Variants in NAT8L observed in about 807,000 individuals in gnomAD.
NAT8L encodes the protein aspartate N-acetyltransferase, also known as N-acetylaspartate synthetase.
Under a neutral mutation model 21.2 loss-of-function variants are expected in NAT8L, and 6 were observed. The ratio of observed to expected loss-of-function variants is 0.28; its 90% confidence interval spans 0.16 to 0.56. NAT8L has a LOEUF of 0.56. Ranked by LOEUF, NAT8L falls within the 20% of genes least tolerant of loss-of-function variation. The pLI, the probability that NAT8L is intolerant of heterozygous loss-of-function variation, is 0.93. For missense variants in NAT8L, 331 were observed against 433.3 expected, an observed-to-expected ratio of 0.76 and a Z score of 2.10; for synonymous variants, 239 against 204.9, an observed-to-expected ratio of 1.17 and a Z score of -1.42.
In NAT8L at chr4:2,059,822, C is replaced by T; in HGVS notation, c.311C>T (p.Pro104Leu). The T allele has an allele frequency of 7.2e-7, 1 of 1,394,382 alleles. No homozygotes were observed. Among genetic ancestry groups the T allele is most frequent in the Non-Finnish European group, 9.4e-7 (1 of 1,064,906 alleles). The allele number at this position is 1,394,382 out of a possible 1,614,324, so 86.4% of individuals were successfully genotyped here. A position where few individuals can be genotyped will look rare whatever the true frequency, so the allele number is the denominator to read the frequency against. The stretch of plus-strand genomic sequence containing the variant: ...TACGACGGCATCATGGAGCGCATCC[C>T]TAACACGGCCTTCCGCGGCCTGCGG... Reference protein sequence around the residue: ...IFYDGIMERIPNTAFRGLRQH... With the variant: ...IFYDGIMERILNTAFRGLRQH... Residue 104 changes from proline (P) to leucine (L), a missense_variant, in exon 1 of 3, where the codon CCT becomes CTT. By Grantham distance (98) the Pro-to-Leu change is moderately conservative (BLOSUM62 -3). Transcript: ENST00000423729. This position sits in a 1 kb window ranked among gnomAD's most constrained non-coding sequence, Gnocchi z 4.8.
rs1208133986 is a variant in NAT8L at position 2,060,319 on chromosome 4, G to C, written c.376+432G>C. 6.6e-6 allele frequency among the ~76,000 whole-genome samples: 1 copy of C among 152,212 alleles called. No homozygotes were observed. ...GGCGCCGCGGGGGGTGCGCGCGCCTGGCACAGCCGGGGCGGTCGCAGAGGG... is the reference window on the plus strand; with the variant it reads ...GGCGCCGCGGGGGGTGCGCGCGCCTCGCACAGCCGGGGCGGTCGCAGAGGG... On this transcript the variant is annotated intron_variant, in intron 1 of 2. Transcript: ENST00000423729. The surrounding 1 kb of genome is among the most constrained non-coding windows in gnomAD (Gnocchi z 4.7).
chr4:2,061,212 G>A (rs960490507), intron 2 of NAT8L, 50 bp downstream of exon 2: 1 of 1,605,756 alleles, frequency 6.2e-7, no homozygotes, highest in African/African-American at 1.3e-5. Context: ...ACAGCCCTCG[G>A]GGGCACGCAC....
In NAT8L at chr4:2,060,498, T is replaced by C. The variant is rs1379426787; in HGVS notation, c.377-500T>C. On this transcript the variant is annotated intron_variant, in intron 1 of 2. Transcript: ENST00000423729. The surrounding 1 kb of genome is among the most constrained non-coding windows in gnomAD (Gnocchi z 4.7). ...GCAGCCGAAATGCGGCTGGAAGCGG[T>C]GTGGGGCCTCCCTGCCCTGTCCCTG... Among the ~76,000 whole-genome samples the C allele has an allele frequency of 6.6e-6, 1 of 152,020 alleles. No individual in the cohort carries two copies. Among genetic ancestry groups the C allele is most frequent in the Non-Finnish European group, 1.5e-5 (1 of 67,988 alleles).
rs1187190572 is a variant in NAT8L, at chr4:2,060,653, G to A, written c.377-345G>A. Among the ~76,000 whole-genome samples, 3 of 149,870 alleles carry A rather than the reference G, an allele frequency of 2.0e-5. No individual in the cohort carries two copies. Among genetic ancestry groups the A allele is most frequent in the Admixed American group, 2.0e-4 (3 of 15,194 alleles). On this transcript the variant is annotated intron_variant, in intron 1 of 2. Coordinates refer to ENST00000423729, the MANE Select transcript of NAT8L (RefSeq NM_178557.4). This position sits in a 1 kb window ranked among gnomAD's most constrained non-coding sequence, Gnocchi z 4.7. ...TCCCCCCTCCCCCCTCCCCCGCGCG[G>A]GGCCTGGTCTGCGGGGCAGCTCCCT...
chr4:2,061,374 C>T (rs1002254421), intron 2 of NAT8L, among the ~76,000 whole-genome samples: 1 of 152,246 alleles, frequency 6.6e-6, no homozygotes, highest in Non-Finnish European at 1.5e-5. Context: ...GTGACCTGAG[C>T]TGGCCCTGCG....
rs1729981854 is a variant in NAT8L, at chr4:2,065,577, T to A, written c.*1450T>A. 6.6e-6 allele frequency: 1 copy of A among 151,680 alleles called. No homozygotes were observed. The highest frequency in any genetic ancestry group is 2.1e-4 in the South Asian group (1 of 4,768). The allele number at this position is 151,680 out of a possible 1,614,324, so 9.4% of individuals were successfully genotyped here. A position where few individuals can be genotyped will look rare whatever the true frequency, so the allele number is the denominator to read the frequency against. On this transcript the variant is annotated 3_prime_UTR_variant, in exon 3 of 3. Coordinates refer to ENST00000423729, the MANE Select transcript of NAT8L (RefSeq NM_178557.4). ...TTTGTGTGGGGGAATTGGGGAGGGG[T>A]CGTGGCAGGCAGGGTGGGCCACGGA...
chr4:2,065,284 G>C lies in NAT8L; in HGVS notation c.*1157G>C, dbSNP rs1179498659. ...CCCTGGCCTGCAGTGTGGGCAGGGT[G>C]GGGGGCAAGGGAGTCCGCAGCCTCC... On this transcript the variant is annotated 3_prime_UTR_variant, in exon 3 of 3. Coordinates refer to ENST00000423729, the MANE Select transcript of NAT8L (RefSeq NM_178557.4). 6.6e-6 allele frequency: 1 copy of C among 152,248 alleles called. No individual in the cohort carries two copies. The highest frequency in any genetic ancestry group is 1.9e-4 in the East Asian group (1 of 5,164). 9.4% of individuals were successfully genotyped at this position (152,248 alleles called of 1,614,324 possible).
rs1729931162 is a variant in NAT8L, at chr4:2,063,496, T to G, written c.542-264T>G. Among the ~76,000 whole-genome samples the G allele has an allele frequency of 2.0e-5, 3 of 152,238 alleles. No homozygotes were observed. The South Asian group carries it at 6.2e-4, about 31-fold the overall frequency. On this transcript the variant is annotated intron_variant, in intron 2 of 2. Transcript: ENST00000423729. ...GGGTCCTGGCTGTTGGCCTGTTGGG[T>G]AACAGGTGTTGGGCTGGCTTTCTCT...
intron 2 of NAT8L, among the ~76,000 whole-genome samples, chr4:2,061,445 G>T (rs1729888470): frequency 6.6e-6 from 1 of 152,236 alleles, no homozygotes; most frequent in Non-Finnish European, 1.5e-5. Context: ...CTGCGGTGGG[G>T]CAAGGGCCGC....
rs899916470 is a variant in NAT8L at position 2,065,482 on chromosome 4, G to C, written c.*1355G>C. The C allele has an allele frequency of 1.3e-5, 2 of 152,624 alleles. No individual in the cohort carries two copies. The highest frequency in any genetic ancestry group is 2.9e-5 in the Non-Finnish European group (2 of 68,344). 9.5% of individuals were successfully genotyped at this position (152,624 alleles called of 1,614,324 possible). A position where few individuals can be genotyped will look rare whatever the true frequency, so the allele number is the denominator to read the frequency against. On this transcript the variant is annotated 3_prime_UTR_variant, in exon 3 of 3. Transcript: ENST00000423729. ...GAGACAGAGGTGGAGGGTGGCACAG[G>C]CTGCACATTCAGCTTAGAAGTGGAC...
Position 2,068,174 on chromosome 4 carries a change from T to A in NAT8L, c.*4047T>A, listed in dbSNP as rs576911357. 6.6e-6 allele frequency: 1 copy of A among 152,320 alleles called. No homozygotes were observed. The highest frequency in any genetic ancestry group is 2.1e-4 in the South Asian group (1 of 4,834). The allele number at this position is 152,320 out of a possible 1,614,324, so 9.4% of individuals were successfully genotyped here. A position where few individuals can be genotyped will look rare whatever the true frequency, so the allele number is the denominator to read the frequency against. ...TTCTTGGATATGTGTAGTGTGAGCA[T>A]GTGTGCATGTGTGAGCCTGTGCACG... On this transcript the variant is annotated 3_prime_UTR_variant, in exon 3 of 3. Coordinates refer to ENST00000423729, the MANE Select transcript of NAT8L (RefSeq NM_178557.4).
chr4:2,068,462 T>C lies in NAT8L; in HGVS notation c.*4335T>C, dbSNP rs1002525200. The C allele has an allele frequency of 6.6e-6, 1 of 152,238 alleles. No homozygotes were observed. The highest frequency in any genetic ancestry group is 1.5e-5 in the Non-Finnish European group (1 of 68,050). The allele number at this position is 152,238 out of a possible 1,614,324, so 9.4% of individuals were successfully genotyped here. The stretch of plus-strand genomic sequence containing the variant: ...GTGTACTTCTCTGAGGGGGCACATA[T>C]GTATGAGTGTATGAGTGCATACATA... On this transcript the variant is annotated 3_prime_UTR_variant, in exon 3 of 3. Coordinates refer to ENST00000423729, the MANE Select transcript of NAT8L (RefSeq NM_178557.4).
rs1000192836 is a variant in NAT8L, at chr4:2,060,158, C to T, written c.376+271C>T. Among the ~76,000 whole-genome samples, 142 of 152,180 alleles carry T rather than the reference C, an allele frequency of 9.3e-4. 3 individuals are homozygous for T. Among genetic ancestry groups the T allele is most frequent in the Middle Eastern group, 3.4e-3 (1 of 292 alleles). On this transcript the variant is annotated intron_variant, in intron 1 of 2. Transcript: ENST00000423729. The surrounding 1 kb of genome is among the most constrained non-coding windows in gnomAD (Gnocchi z 4.7). ...CCCCACCGCCTCCCCTGTCCCCTCC[C>T]GGGCATCCTGGGTGGGGGCGGGTGC...
chr4:2,063,744 G>A lies in NAT8L; in HGVS notation c.542-16G>A, dbSNP rs576456433. ...CCTTCCTCACCGGGTGTCCCTGACC[G>A]CCCTATCCCCTGCAGGCTCCTGCTT... On this transcript the variant is annotated splice_polypyrimidine_tract_variant and intron_variant, in intron 2 of 2. Transcript: ENST00000423729. The A allele has an allele frequency of 7.3e-5, 117 of 1,609,570 alleles. 1 individual carries two copies. Among genetic ancestry groups the A allele is most frequent in the South Asian group, 3.4e-4 (31 of 91,062 alleles).
At position 2,062,603 on chromosome 4, in the gene NAT8L, C is replaced by T. The variant is rs552704837; in HGVS notation, c.542-1157C>T. On this transcript the variant is annotated intron_variant, in intron 2 of 2. Transcript: ENST00000423729. ...CTGCTCGTGTCTGTGGCGATGGCAGCGGTGCCCAGTGGCTCCCCCCCACGC... is the reference window on the plus strand; with the variant it reads ...CTGCTCGTGTCTGTGGCGATGGCAGTGGTGCCCAGTGGCTCCCCCCCACGC... Among the ~76,000 whole-genome samples, 4 of 152,166 alleles carry T rather than the reference C, an allele frequency of 2.6e-5. No homozygotes were observed. The South Asian group carries it at 8.3e-4, about 32-fold the overall frequency.
chr4:2,063,689 C>A, intron 2 of NAT8L, 71 bp from the exon 3 acceptor site: 1 of 1,598,918 alleles, frequency 6.3e-7, no homozygotes, highest in Non-Finnish European at 8.5e-7. Context: ...AGGGCCCTGT[C>A]TCACCCCAGA....
In NAT8L at chr4:2,063,964, C is replaced by T. The variant is rs1729941233; in HGVS notation, c.746C>T (p.Thr249Met). ...TACTCCGCGGTGGTGCTGGGCACGA[C>T]GGCCGTCAAGGTGGCCGCCCACAAG... The part of the protein sequence containing the change: ...HNYSAVVLGT[T>M]AVKVAAHKLY... The change falls in exon 3 of 3, where the codon ACG becomes ATG. Residue 249 changes from threonine (T) to methionine (M), a missense_variant. By Grantham distance (81) the Thr-to-Met change is moderately conservative. Around this residue, in one of 2 missense-constraint regions of NAT8L, gnomAD observed 132 missense variants for 237.1 expected, o/e 0.56. Transcript: ENST00000423729. 1.2e-6 allele frequency: 2 copies of T among 1,611,566 alleles called. No homozygotes were observed. Among genetic ancestry groups the T allele is most frequent in the Non-Finnish European group, 1.7e-6 (2 of 1,179,456 alleles).
chr4:2,064,176 C>A lies in NAT8L; in HGVS notation c.*49C>A. The A allele has an allele frequency of 1.7e-6, 2 of 1,204,560 alleles. No individual in the cohort carries two copies. The highest frequency in any genetic ancestry group is 2.5e-5 in the South Asian group (1 of 39,510). The allele number at this position is 1,204,560 out of a possible 1,614,324, so 74.6% of individuals were successfully genotyped here. A position where few individuals can be genotyped will look rare whatever the true frequency, so the allele number is the denominator to read the frequency against. On this transcript the variant is annotated 3_prime_UTR_variant, in exon 3 of 3. Transcript: ENST00000423729. ...CCCCCGGCCGCCCTGTCCGCCTTTG[C>A]CCGCCTGCCCGCCGCCCGGCGCGGC...
At chr4:2,063,451 C>T (rs957585260) in intron 2 of NAT8L, among the ~76,000 whole-genome samples, 5 of 152,380 alleles carry the variant, frequency 3.3e-5, no homozygotes, top group South Asian at 2.1e-4. Flanking sequence ...CTCTGAGCAG[C>T]GCAGCCTCCA....
Sources: allele counts gnomAD v4.1 joint callset (sites outside exome capture counted in the v4.1 genomes callset), GRCh38; gene constraint gnomAD v4.1.1; regional missense constraint gnomAD v4.1.1; non-coding constraint Gnocchi (gnomAD v3.1); transcripts MANE v1.5; gene names NCBI Gene and HGNC (gene_info 2026-07-23, HGNC 2026-07-21).